AKAP6: variants seen among roughly 807,000 people sequenced by gnomAD.
AKAP6 encodes the protein A-kinase anchoring protein 6, also known as A-kinase anchor protein 6.
A neutral mutation model predicts 188.5 loss-of-function variants in AKAP6; 58 were observed. The ratio of observed to expected loss-of-function variants is 0.31; its 90% CI spans 0.25 to 0.38. The LOEUF is 0.38. AKAP6 is among the 10% of genes least tolerant of loss of function. The probability of loss-of-function intolerance (pLI) is 1.00; values close to 1 mark genes in which losing one functional copy is unlikely to be tolerated. For missense variants in AKAP6, 2,710 were observed against 2,740.0 expected (o/e 0.99, Z 0.24); for synonymous variants, 989 against 998.6 (o/e 0.99, Z 0.18).
intron 3 of AKAP6, among the ~76,000 whole-genome samples, chr14:32,536,323 A>G (rs1174022083): frequency 6.6e-6 from 1 of 152,200 alleles, no homozygotes; most frequent in Non-Finnish European, 1.5e-5. Flanking sequence ...GAGAGACAGG[A>G]ATAGACTGGT....
chr14:32,471,613 C>T (rs959795910), intron 2 of AKAP6, among the ~76,000 whole-genome samples: 1 of 152,198 alleles, frequency 6.6e-6, no homozygotes, highest in Non-Finnish European at 1.5e-5. Context: ...ATTGTAAACC[C>T]TTTCAACATT....
chr14:32,411,794 C>CTTT (rs11404817), intron 1 of AKAP6, among the ~76,000 whole-genome samples: 2 of 144,450 alleles, frequency 1.4e-5, no homozygotes, highest in African/African-American at 2.5e-5. Context: ...CTCTCTTACT[C>CTTT]TTTTTTTTTT....
chr14:32,776,389 TTGTC>T (rs1274552315), intron 12 of AKAP6, among the ~76,000 whole-genome samples: 7 of 152,226 alleles, frequency 4.6e-5, no homozygotes, highest in Admixed American at 6.5e-5. Context: ...TCATTCTCTC[TTGTC>T]TGCTGCCATG....
intron 7 of AKAP6, among the ~76,000 whole-genome samples, chr14:32,646,238 AC>A (rs1237377341): frequency 6.6e-6 from 1 of 152,080 alleles, no homozygotes; most frequent in Non-Finnish European, 1.5e-5. Flanking sequence ...ATCTGAGAAC[AC>A]CTATAATAAT....
At chr14:32,509,108 C>T (rs1354203169) in intron 2 of AKAP6, among the ~76,000 whole-genome samples, 3 of 142,170 alleles carry the variant, frequency 2.1e-5, no homozygotes, top group Non-Finnish European at 4.5e-5. Context: ...CGTAAGCCAC[C>T]ATGCCCTGCC....
intron 7 of AKAP6, among the ~76,000 whole-genome samples, chr14:32,641,235 A>T (rs10139992): frequency 0.24 from 36,437 of 151,956 alleles, 4,973 homozygotes; most frequent in South Asian, 0.37. Flanking sequence ...AGAGGGTAGA[A>T]CTGAAAGCAA....
At chr14:32,829,027 CAAGCAA>C (rs1051944301) in intron 13 of AKAP6, among the ~76,000 whole-genome samples, 4 of 152,188 alleles carry the variant, frequency 2.6e-5, no homozygotes, top group African/African-American at 9.7e-5. Context: ...TAAGCCCAGA[CAAGCAA>C]AAGCCTGCTT....
At chr14:32,771,247 C>T (rs1011067654) in intron 11 of AKAP6, among the ~76,000 whole-genome samples, 48 of 151,450 alleles carry the variant, frequency 3.2e-4, no homozygotes, top group Non-Finnish European at 2.7e-4. Context: ...TTCCAATTTT[C>T]CCCTCCTTTT....
intron 4 of AKAP6, among the ~76,000 whole-genome samples, chr14:32,561,505 A>G (rs904398712): frequency 5.3e-5 from 8 of 152,202 alleles, no homozygotes; most frequent in African/African-American, 1.4e-4. Context: ...TCTTTGTACA[A>G]TATTCCTTGG....
chr14:32,627,033 T>G (rs2139438474), intron 7 of AKAP6, among the ~76,000 whole-genome samples: 1 of 152,242 alleles, frequency 6.6e-6, no homozygotes, highest in African/African-American at 2.4e-5. Flanking sequence ...ATGAACATGG[T>G]TATAGATATA....
chr14:32,618,713 G>A (rs1886689583), intron 7 of AKAP6, among the ~76,000 whole-genome samples: 1 of 152,182 alleles, frequency 6.6e-6, no homozygotes. Context: ...TAGATACCCA[G>A]TAGTGGGATT....
intron 5 of AKAP6, among the ~76,000 whole-genome samples, chr14:32,584,015 T>G (rs1885111637): frequency 6.6e-6 from 1 of 152,156 alleles, no homozygotes; most frequent in Non-Finnish European, 1.5e-5. Flanking sequence ...CACTCCCTAG[T>G]GAGATGAACC....
intron 12 of AKAP6, among the ~76,000 whole-genome samples, chr14:32,821,154 C>T (rs1330537010): frequency 6.6e-6 from 1 of 152,148 alleles, no homozygotes; most frequent in Non-Finnish European, 1.5e-5. Flanking sequence ...TACAATTTGA[C>T]AATAATAATC....
intron 1 of AKAP6, among the ~76,000 whole-genome samples, chr14:32,407,809 T>TTCTGGATTAGGATGTA (rs1889346231): frequency 6.6e-6 from 1 of 152,066 alleles, no homozygotes; most frequent in South Asian, 2.1e-4. Context: ...TCCCCACGGA[T>TTCTGGATTAGGATGTA]TCTGGATTAG....
chr14:32,364,861 T>G (rs1887778962), intron 1 of AKAP6, among the ~76,000 whole-genome samples: 1 of 152,194 alleles, frequency 6.6e-6, no homozygotes, highest in African/African-American at 2.4e-5. Context: ...ATGGTAGATT[T>G]AGGTTGCCAG....
chr14:32,388,139 G>A (rs1888594572), intron 1 of AKAP6, among the ~76,000 whole-genome samples: 1 of 152,046 alleles, frequency 6.6e-6, no homozygotes, highest in Non-Finnish European at 1.5e-5. Flanking sequence ...GCATAAAGGT[G>A]TTCATAGTAG....
At chr14:32,385,426 A>C (rs1456176788) in intron 1 of AKAP6, among the ~76,000 whole-genome samples, 1 of 145,748 alleles carries the variant, frequency 6.9e-6, no homozygotes, top group Non-Finnish European at 1.5e-5. Context: ...TTTAATTTCC[A>C]CAGGTTATTG....
chr14:32,606,862 C>T (rs1391504331), intron 7 of AKAP6, among the ~76,000 whole-genome samples: 3 of 152,154 alleles, frequency 2.0e-5, no homozygotes, highest in Non-Finnish European at 4.4e-5. Flanking sequence ...TATATGTTTG[C>T]TCAGCCCTAT....
At chr14:32,450,757 G>A (rs955927404) in intron 2 of AKAP6, among the ~76,000 whole-genome samples, 1 of 152,050 alleles carries the variant, frequency 6.6e-6, no homozygotes, top group Non-Finnish European at 1.5e-5. Flanking sequence ...TTTTCTTGAG[G>A]TTTCTTTTTT....
Sources: gnomAD v4.1 joint callset for allele counts (sites outside exome capture counted in the v4.1 genomes callset) on GRCh38, gnomAD v4.1.1 for gene constraint, MANE v1.5 for transcripts, NCBI Gene and HGNC (gene_info 2026-07-23, HGNC 2026-07-21) for gene names.